Variants in FREY1 observed in about 807,000 individuals in gnomAD.
FREY1 encodes Frey regulator of sperm-oocyte fusion 1.
chr11:45,906,543 C>T, the FREY1 span: 5 of 1,511,996 alleles, frequency 3.3e-6, no homozygotes, highest in Non-Finnish European at 2.7e-6. Flanking sequence ...CTTTGTCACA[C>T]ATGGTATCTT....
At chr11:45,906,767 T>C in the FREY1 span, 1 of 1,597,534 alleles carries the variant, frequency 6.3e-7, no homozygotes, top group South Asian at 1.1e-5. Context: ...TGAACAGATG[T>C]GGTTTGGGAT....
At chr11:45,906,677 G>A in the FREY1 span, 2 of 1,586,994 alleles carry the variant, frequency 1.3e-6, no homozygotes, top group South Asian at 2.3e-5. Flanking sequence ...GGTGCTTGGG[G>A]AGGATGCCAT....
At chr11:45,907,156 G>A in the FREY1 span, 2 of 1,557,070 alleles carry the variant, frequency 1.3e-6, no homozygotes, top group South Asian at 2.4e-5. Flanking sequence ...TCAGAGGCTG[G>A]GAGCGAAGCA....
chr11:45,906,539 C>A, the FREY1 span: 3 of 1,506,820 alleles, frequency 2.0e-6, no homozygotes, highest in South Asian at 4.1e-5. Context: ...AAGCCTTTGT[C>A]ACACATGGTA....
the FREY1 span, chr11:45,906,647 T>G: frequency 6.3e-7 from 1 of 1,593,294 alleles, no homozygotes; most frequent in East Asian, 2.2e-5. Context: ...ACAGGAGGGG[T>G]CGAGGCCCTC....
the FREY1 span, chr11:45,907,104 A>C: frequency 6.5e-7 from 1 of 1,540,902 alleles, no homozygotes; most frequent in African/African-American, 1.4e-5. Flanking sequence ...CACCTCCACC[A>C]TCCGGCCCAA....
At chr11:45,906,739 TG>T in the FREY1 span, 1 of 1,577,550 alleles carries the variant, frequency 6.3e-7, no homozygotes, top group Non-Finnish European at 8.6e-7. Context: ...CTGGCTCTGA[TG>T]GAACTGAAGT....
chr11:45,906,646 G>A, the FREY1 span: 69 of 1,595,636 alleles, frequency 4.3e-5, no homozygotes, highest in Non-Finnish European at 5.8e-5. Context: ...GACAGGAGGG[G>A]TCGAGGCCCT....
At chr11:45,907,197 G>A in the FREY1 span, 68 of 1,557,098 alleles carry the variant, frequency 4.4e-5, no homozygotes, top group African/African-American at 8.9e-4. Flanking sequence ...TGGAGGAAGA[G>A]GCTGAGCCCA....
the FREY1 span, chr11:45,906,805 G>A: frequency 2.5e-6 from 4 of 1,608,522 alleles, no homozygotes; most frequent in East Asian, 6.7e-5. Context: ...TGGACTTGGG[G>A]CACCTCTTAG....
At chr11:45,907,268 T>C in the FREY1 span, 21 of 1,515,828 alleles carry the variant, frequency 1.4e-5, no homozygotes, top group East Asian at 4.9e-4. Context: ...TCCTGGCTCC[T>C]GTCGTCCCTA....
chr11:45,906,745 T>TGAA, the FREY1 span: 6 of 1,581,854 alleles, frequency 3.8e-6, no homozygotes, highest in African/African-American at 6.7e-5. Context: ...CTGATGGAAC[T>TGAA]GAAGTCACCC....
chr11:45,907,058 C>G, the FREY1 span: 1 of 1,531,310 alleles, frequency 6.5e-7, no homozygotes, highest in Non-Finnish European at 9.0e-7. Flanking sequence ...GCCCAGGGTA[C>G]CAGGGCCAGC....
At chr11:45,906,805 G>C in the FREY1 span, 1 of 1,608,522 alleles carries the variant, frequency 6.2e-7, no homozygotes, top group Non-Finnish European at 8.5e-7. Context: ...TGGACTTGGG[G>C]CACCTCTTAG....
At chr11:45,907,057 A>G in the FREY1 span, 1 of 1,521,494 alleles carries the variant, frequency 6.6e-7, no homozygotes, top group Non-Finnish European at 9.0e-7. Flanking sequence ...CGCCCAGGGT[A>G]CCAGGGCCAG....
At chr11:45,906,592 A>G in the FREY1 span, 1 of 1,569,826 alleles carries the variant, frequency 6.4e-7, no homozygotes, top group South Asian at 1.2e-5. Flanking sequence ...TCATAGTAAT[A>G]CTCGGCAAGG....
the FREY1 span, chr11:45,907,011 A>G: frequency 6.3e-7 from 1 of 1,580,454 alleles, no homozygotes; most frequent in Non-Finnish European, 8.7e-7. Context: ...GAATGGGGGG[A>G]TGGCTCAGTG....
chr11:45,906,780 CAAGCCCCT>C, the FREY1 span: 1 of 1,602,788 alleles, frequency 6.2e-7, no homozygotes, highest in Non-Finnish European at 8.5e-7. Context: ...TTTGGGATGA[CAAGCCCCT>C]GAAGGCTGGA....
chr11:45,906,572 T>C, the FREY1 span: 4 of 1,544,978 alleles, frequency 2.6e-6, no homozygotes, highest in South Asian at 2.4e-5. Context: ...CCTTGGGTCA[T>C]AGGTGTGCAT....
Sources: allele counts gnomAD v4.1 joint callset, GRCh38; gene constraint gnomAD v4.1.1; transcripts MANE v1.5; gene names NCBI Gene and HGNC (gene_info 2026-07-23, HGNC 2026-07-21).